TSGA10: variants seen among roughly 807,000 people sequenced by gnomAD.
TSGA10 encodes testis-specific gene 10 protein.
TSGA10 carries 43 observed loss-of-function variants against 96.6 expected under a neutral mutation model. The observed-to-expected ratio is 0.44, with a 90% CI of 0.35 to 0.57. TSGA10 has a LOEUF of 0.57. Among genes scored for constraint, TSGA10 ranks in the 20% least tolerant of loss-of-function variants. The pLI is 0.01. For missense variants in TSGA10, 703 were observed against 834.4 expected (o/e 0.84, Z 1.94); for synonymous variants, 229 against 269.9 (o/e 0.85, Z 1.48).
chr2:99,105,740 C>G, intron 7 of TSGA10, 43 bp from the exon 8 acceptor site: 1 of 1,519,410 alleles, frequency 6.6e-7, no homozygotes, highest in Non-Finnish European at 8.9e-7. Flanking sequence ...AGCTTTAGAA[C>G]ACATAAACAT....
At chr2:99,074,278 T>C (rs1423207529) in intron 12 of TSGA10, among the ~76,000 whole-genome samples, 7 of 151,978 alleles carry the variant, frequency 4.6e-5, no homozygotes, top group Non-Finnish European at 8.8e-5. Context: ...CCTCCCAAAG[T>C]GCTGGGATTA....
intron 16 of TSGA10, among the ~76,000 whole-genome samples, chr2:99,059,032 T>C (rs1441434594): frequency 2.3e-5 from 3 of 132,034 alleles, no homozygotes; most frequent in South Asian, 4.6e-4. Context: ...TGAGACTCTG[T>C]CTCAAAAAAA....
intron 17 of TSGA10, among the ~76,000 whole-genome samples, chr2:99,025,272 T>C (rs1289489815): frequency 6.6e-6 from 1 of 152,236 alleles, no homozygotes; most frequent in Admixed American, 6.5e-5. Flanking sequence ...TATTACTTTA[T>C]GGAAGTTTAA....
chr2:99,149,746 A>C (rs2093671244), intron 1 of TSGA10, among the ~76,000 whole-genome samples: 1 of 142,044 alleles, frequency 7.0e-6, no homozygotes, highest in African/African-American at 2.6e-5. Flanking sequence ...TCGGCCGATC[A>C]TCTCTTTTTA....
intron 15 of TSGA10, among the ~76,000 whole-genome samples, chr2:99,067,223 G>A (rs901091822): frequency 9.2e-5 from 14 of 152,058 alleles, no homozygotes; most frequent in African/African-American, 2.2e-4. Context: ...CACCTAGCAC[G>A]CTGCATGAAT....
intron 12 of TSGA10, among the ~76,000 whole-genome samples, chr2:99,074,375 T>C (rs928545291): frequency 1.3e-5 from 2 of 151,774 alleles, no homozygotes; most frequent in East Asian, 1.9e-4. Context: ...TGTGTGTGTG[T>C]GCTATCTTCC....
At chr2:99,111,170 C>G (rs761903107) in intron 4 of TSGA10, among the ~76,000 whole-genome samples, 5 of 151,948 alleles carry the variant, frequency 3.3e-5, no homozygotes, top group Non-Finnish European at 5.9e-5. Flanking sequence ...CCAAATTATT[C>G]CCCATAAACT....
chr2:99,100,131 A>T (rs1474843870), intron 10 of TSGA10, among the ~76,000 whole-genome samples: 2 of 152,232 alleles, frequency 1.3e-5, no homozygotes, highest in Non-Finnish European at 2.9e-5. Flanking sequence ...ACTCAATGCC[A>T]TTAAAATCTT....
intron 10 of TSGA10, among the ~76,000 whole-genome samples, chr2:99,100,971 AG>A (rs1373590425): frequency 4.1e-5 from 6 of 148,002 alleles, no homozygotes; most frequent in Non-Finnish European, 9.0e-5. Flanking sequence ...AAAAAAAAAA[AG>A]CATAAATTAG....
At chr2:99,113,049 A>T (rs188710934) in intron 4 of TSGA10, among the ~76,000 whole-genome samples, 1 of 151,956 alleles carries the variant, frequency 6.6e-6, no homozygotes, top group Admixed American at 6.5e-5. Context: ...TAATGGTAAA[A>T]TTTTAATTCT....
At position 99,097,980 on chromosome 2, in the gene TSGA10, C is replaced by T. The variant is rs554974556; in HGVS notation, c.611+5987G>A. On this transcript the variant is annotated intron_variant, in intron 10 of 20. Coordinates refer to ENST00000393483, the MANE Select transcript of TSGA10 (RefSeq NM_025244.4). ...CACTTAGTAATAGAAAAATTGTAAA[C>T]GTATATGCACCTAATAACATACCAT... Among the ~76,000 whole-genome samples, 72 of 151,988 alleles carry T rather than the reference C, an allele frequency of 4.7e-4. 3 individuals carry two copies. The South Asian group carries it at 0.011, about 23-fold the overall frequency.
chr2:99,064,283 A>G (rs1014730785), intron 16 of TSGA10, among the ~76,000 whole-genome samples: 1 of 152,206 alleles, frequency 6.6e-6, no homozygotes, highest in Non-Finnish European at 1.5e-5. Flanking sequence ...TAAAAAGGGA[A>G]TATTTATACA....
intron 10 of TSGA10, among the ~76,000 whole-genome samples, chr2:99,097,518 T>A (rs1008225157): frequency 6.6e-6 from 1 of 152,228 alleles, no homozygotes; most frequent in African/African-American, 2.4e-5. Flanking sequence ...ATGGAGTTAC[T>A]GTTCTAAGGT....
intron 10 of TSGA10, among the ~76,000 whole-genome samples, 199 bp downstream of exon 10, chr2:99,103,768 C>G (rs568323269): frequency 9.9e-5 from 15 of 152,236 alleles, no homozygotes; most frequent in African/African-American, 3.6e-4. Flanking sequence ...AAGTGTGATT[C>G]CTAGTTAAGT....
In TSGA10 at chr2:99,150,241, C is replaced by T. The variant is rs115905448; in HGVS notation, c.-621+4452G>A. 5.8e-3 allele frequency among the ~76,000 whole-genome samples: 887 copies of T among 152,274 alleles called. 10 individuals are homozygous for T. The highest frequency in any genetic ancestry group is 0.02 in the African/African-American group (850 of 41,570). On this transcript the variant is annotated intron_variant, in intron 1 of 20. Coordinates refer to ENST00000393483, the MANE Select transcript of TSGA10 (RefSeq NM_025244.4). The stretch of plus-strand genomic sequence containing the variant: ...GAATGAAAGAAAGGACTAAGAGAAG[C>T]TCTACTATTTTCTGAAAGGTGATAA...
intron 7 of TSGA10, among the ~76,000 whole-genome samples, chr2:99,106,418 T>C (rs958111512): frequency 6.6e-6 from 1 of 152,122 alleles, no homozygotes; most frequent in African/African-American, 2.4e-5. Flanking sequence ...TTTCTTCTCA[T>C]CTTGAATAGT....
At chr2:99,031,240 T>C (rs898806603) in intron 17 of TSGA10, among the ~76,000 whole-genome samples, 1 of 96,914 alleles carries the variant, frequency 1.0e-5, no homozygotes, top group African/African-American at 4.1e-5. Flanking sequence ...GGCAGAAAGA[T>C]AGCTTTTTAA....
At chr2:99,017,764 CA>C (rs1252515584) in intron 20 of TSGA10, among the ~76,000 whole-genome samples, 6,613 of 66,392 alleles carry the variant, frequency 0.1, 243 homozygotes, top group East Asian at 0.25. Context: ...GACTCCGTCT[CA>C]AAAAAAAAAA....
At chr2:99,076,655 A>T (rs553790690) in intron 12 of TSGA10, among the ~76,000 whole-genome samples, 1 of 152,038 alleles carries the variant, frequency 6.6e-6, no homozygotes, top group Non-Finnish European at 1.5e-5. Context: ...CTGTATGCCT[A>T]TCCCATCTTT....
Sources: allele counts gnomAD v4.1 joint callset (sites outside exome capture counted in the v4.1 genomes callset), GRCh38; gene constraint gnomAD v4.1.1; transcripts MANE v1.5; gene names NCBI Gene and HGNC (gene_info 2026-07-23, HGNC 2026-07-21).